The following MYOCOS variants were observed in gnomAD, a reference collection of about 807,000 sequenced individuals.
The protein encoded by MYOCOS is myocilin opposite strand protein.
At chr1:171,602,767 G>A (rs910112755) in intron 1 of MYOCOS, among the ~76,000 whole-genome samples, 94 of 152,118 alleles carry the variant, frequency 6.2e-4, no homozygotes, top group African/African-American at 2.2e-3. Flanking sequence ...ATATAAAATA[G>A]TGTTTAACTT....
intron 1 of MYOCOS, among the ~76,000 whole-genome samples, chr1:171,602,960 T>C (rs1652171045): frequency 1.3e-5 from 2 of 152,238 alleles, no homozygotes; most frequent in African/African-American, 2.4e-5. Context: ...TTGTTATGCT[T>C]GTGCACATGG....
upstream of MYOCOS, among the ~76,000 whole-genome samples, chr1:171,620,773 C>CTTTT (rs34455235): frequency 2.8e-4 from 36 of 127,190 alleles, 2 homozygotes; most frequent in Admixed American, 1.0e-3. Context: ...CTTTTTCTTT[C>CTTTT]TTTTTTTTTT....
intron 2 of MYOCOS, among the ~76,000 whole-genome samples, chr1:171,616,658 T>C (rs1652455434): frequency 6.6e-6 from 1 of 152,170 alleles, no homozygotes; most frequent in Admixed American, 6.5e-5. Context: ...ACATGTTTAT[T>C]GTTTATATTG....
At chr1:171,624,177 G>A (rs1652634218) in intron 2 of MYOCOS, among the ~76,000 whole-genome samples, 199 bp downstream of exon 2, 1 of 152,184 alleles carries the variant, frequency 6.6e-6, no homozygotes, top group Admixed American at 6.5e-5. Context: ...GCCCTTCAAG[G>A]GGTGATGACA....
At chr1:171,608,656 C>T (rs1652299576) in intron 1 of MYOCOS, among the ~76,000 whole-genome samples, 1 of 151,996 alleles carries the variant, frequency 6.6e-6, no homozygotes, top group South Asian at 2.1e-4. Flanking sequence ...CTCCTGACCT[C>T]ATGATCTGCC....
intron 2 of MYOCOS, among the ~76,000 whole-genome samples, chr1:171,624,257 T>C (rs1045833239): frequency 2.0e-5 from 3 of 151,336 alleles, no homozygotes; most frequent in African/African-American, 7.3e-5. Context: ...GGGATCACTT[T>C]GTTTGGTTTG....
chr1:171,626,423 C>A, intron 2 of MYOCOS, 31 bp from the exon 3 acceptor site: 1 of 398,378 alleles, frequency 2.5e-6, no homozygotes, highest in South Asian at 1.3e-4. Context: ...TATCTTTATT[C>A]AAATGGCATT....
intron 2 of MYOCOS, among the ~76,000 whole-genome samples, chr1:171,617,178 G>A (rs1290016610): frequency 6.6e-6 from 1 of 152,084 alleles, no homozygotes; most frequent in African/African-American, 2.4e-5. Flanking sequence ...GATGAGAGCT[G>A]CTGCTGAATA....
upstream of MYOCOS, chr1:171,622,079 A>G (rs2102939320): frequency 6.6e-6 from 1 of 152,328 alleles, no homozygotes; most frequent in South Asian, 2.1e-4. Context: ...ACCTGCCAGC[A>G]TAGAAGAAGT....
chr1:171,606,471 T>G (rs1558078775), intron 1 of MYOCOS, among the ~76,000 whole-genome samples: 1 of 152,194 alleles, frequency 6.6e-6, no homozygotes, highest in African/African-American at 2.4e-5. Flanking sequence ...GCCCCAGGCC[T>G]GGCCTGCCTG....
chr1:171,621,048 A>G (rs934028856), upstream of MYOCOS, among the ~76,000 whole-genome samples: 4 of 151,914 alleles, frequency 2.6e-5, no homozygotes, highest in Non-Finnish European at 4.4e-5. Flanking sequence ...GATTACAGGC[A>G]CGAGCCACCG....
chr1:171,626,403 T>A, intron 2 of MYOCOS, 51 bp from the exon 3 acceptor site: 1 of 398,184 alleles, frequency 2.5e-6, no homozygotes, highest in Non-Finnish European at 4.4e-6. Context: ...CCTCTGTTTA[T>A]TTAAAACCCT....
rs533243098 is a variant in MYOCOS, at chr1:171,626,133, C to T, written c.96-321C>T. ...GGTCTCACTCTGTCACCCAAGCTAG[C>T]GTGCAGTGGTGCAATCATAGCTCAC... On this transcript the variant is annotated intron_variant, in intron 2 of 2. Transcript: ENST00000637642. Among the ~76,000 whole-genome samples, 27 of 152,226 alleles carry T rather than the reference C, an allele frequency of 1.8e-4. No individual in the cohort carries two copies. In the South Asian group the frequency reaches 2.9e-3, roughly 16 times the overall value.
chr1:171,618,290 G>A (rs1184658774), upstream of MYOCOS, among the ~76,000 whole-genome samples: 1 of 152,174 alleles, frequency 6.6e-6, no homozygotes, highest in Non-Finnish European at 1.5e-5. Flanking sequence ...TACACTTGAT[G>A]GACTCATAAC....
Position 171,623,832 on chromosome 1 carries a change from C to G in MYOCOS, c.-43-9C>G. On this transcript the variant is annotated splice_polypyrimidine_tract_variant and intron_variant, in intron 1 of 2. Transcript: ENST00000637642. ...CATGTGTGCCAGCTCTTGTGTTTTG[C>G]ATTCACAGGTGCAGTAACTTTAAAT... 2.5e-6 allele frequency: 1 copy of G among 398,438 alleles called. No individual in the cohort carries two copies. Among genetic ancestry groups the G allele is most frequent in the East Asian group, 3.6e-5 (1 of 28,062 alleles). The allele number at this position is 398,438 out of a possible 1,614,324, so 24.7% of individuals were successfully genotyped here. A position where few individuals can be genotyped will look rare whatever the true frequency, so the allele number is the denominator to read the frequency against.
rs1558083430 is a variant in MYOCOS at position 171,626,720 on chromosome 1, TCAC to T, written c.*121_*123del. On this transcript the variant is annotated 3_prime_UTR_variant, in exon 3 of 3. Transcript: ENST00000637642. ...GATCTTTGTTCTTTCCTATTTTTCT[TCAC>T]CTAGAACCACCATAGAGCATGGTTT... The T allele has an allele frequency of 7.6e-6, 3 of 397,160 alleles. No individual in the cohort carries two copies. Among genetic ancestry groups the T allele is most frequent in the Non-Finnish European group, 1.3e-5 (3 of 225,676 alleles). The allele number at this position is 397,160 out of a possible 1,614,324, so 24.6% of individuals were successfully genotyped here. A position where few individuals can be genotyped will look rare whatever the true frequency, so the allele number is the denominator to read the frequency against.
intron 1 of MYOCOS, among the ~76,000 whole-genome samples, chr1:171,603,943 T>C (rs556529891): frequency 0.011 from 1,659 of 152,302 alleles, 31 homozygotes; most frequent in African/African-American, 0.038. Flanking sequence ...CACCATTAGC[T>C]AATGAATGCT....
intron 1 of MYOCOS, among the ~76,000 whole-genome samples, chr1:171,603,052 C>T (rs962882866): frequency 6.6e-6 from 1 of 152,202 alleles, no homozygotes; most frequent in Non-Finnish European, 1.5e-5. Context: ...TAGCTCTTTT[C>T]CAGGATTCTA....
At chr1:171,622,638 A>C (rs145172353) in intron 1 of MYOCOS, among the ~76,000 whole-genome samples, 1 of 152,160 alleles carries the variant, frequency 6.6e-6, no homozygotes, top group Admixed American at 6.6e-5. Flanking sequence ...TTCCAGCCAA[A>C]AGATCAAGCT....
Sources: allele counts gnomAD v4.1 joint callset (sites outside exome capture counted in the v4.1 genomes callset), GRCh38; gene constraint gnomAD v4.1.1; transcripts MANE v1.5; gene names NCBI Gene and HGNC (gene_info 2026-07-23, HGNC 2026-07-21).